Variants in GMPR observed in about 807,000 individuals in gnomAD.
GMPR encodes the protein GMP reductase 1.
Under a neutral mutation model 38.4 loss-of-function variants are expected in GMPR, and 31 were observed. That is an observed-to-expected ratio of 0.81 (90% CI 0.61 to 1.09). The LOEUF (loss-of-function observed/expected upper bound fraction) is 1.09. Among genes scored for constraint, GMPR ranks in the 50% least tolerant of loss-of-function variants. The pLI, the probability that GMPR is intolerant of heterozygous loss-of-function variation, is 0.00. For synonymous variants in GMPR, 162 were observed against 173.3 expected, an observed-to-expected ratio of 0.93 and a Z score of 0.51; for missense variants, 468 against 453.7, an observed-to-expected ratio of 1.03 and a Z score of -0.29.
In GMPR at chr6:16,246,855, G is replaced by C; in HGVS notation, c.101G>C (p.Arg34Pro). Residue 34 changes from arginine (R) to proline (P), a missense_variant, in exon 2 of 9, where the codon CGC (arginine) becomes CCC (proline). Transcript: ENST00000259727. Reference sequence around the variant, plus strand: ...TTTGGCCAACAGGTGGATCTTGAACGCACCTTCACGTTTCGAAATTCAAAG... The same window carrying C: ...TTTGGCCAACAGGTGGATCTTGAACCCACCTTCACGTTTCGAAATTCAAAG... ...LKSRAEVDLE[R>P]TFTFRNSKQT... 1 of 1,612,206 alleles carries C rather than the reference G, an allele frequency of 6.2e-7. No individual in the cohort carries two copies. The highest frequency in any genetic ancestry group is 1.1e-5 in the South Asian group (1 of 90,878).
intron 7 of GMPR, chr6:16,289,691 C>G (rs553621300): frequency 7.2e-5 from 11 of 152,078 alleles, no homozygotes; most frequent in Non-Finnish European, 1.3e-4. Context: ...AGTGTAGGAG[C>G]TTCAGTCTGT....
At chr6:16,289,656 G>T (rs145062393) in intron 7 of GMPR, 1 of 132,762 alleles carries the variant, frequency 7.5e-6, no homozygotes, top group Non-Finnish European at 1.5e-5. Context: ...CCATAACACG[G>T]GGACTTCTTT....
rs976967401 is a variant in GMPR at position 16,266,228 on chromosome 6, C to T, written c.466-8187C>T. ...ACTCGCTGCGAAGAATGAAGAACGC[C>T]GCGCGCACCACCTTTAAGAGCTGTA... On this transcript the variant is annotated intron_variant, in intron 4 of 8. Coordinates refer to ENST00000259727, the MANE Select transcript of GMPR (RefSeq NM_006877.4). Among the ~76,000 whole-genome samples, 28 of 151,062 alleles carry T rather than the reference C, an allele frequency of 1.9e-4. 2 individuals are homozygous for T. Among genetic ancestry groups the T allele is most frequent in the Admixed American group, 4.0e-4 (6 of 15,178 alleles).
chr6:16,249,978 G>A (rs1758835403), intron 2 of GMPR, among the ~76,000 whole-genome samples: 1 of 152,200 alleles, frequency 6.6e-6, no homozygotes, highest in Non-Finnish European at 1.5e-5. Context: ...AGGTGTGGGT[G>A]GGAGCCTGGG....
chr6:16,266,160 ATCTTTAAGAGCTGTAACACTTGCC>A (rs2113685393), intron 4 of GMPR, among the ~76,000 whole-genome samples: 1 of 44,670 alleles, frequency 2.2e-5, no homozygotes, highest in South Asian at 1.1e-3. Flanking sequence ...AACACTTGCC[ATCTTTAAGAGCTGTAACACTTGCC>A]ATCTTTAAGA....
intron 3 of GMPR, among the ~76,000 whole-genome samples, chr6:16,251,376 A>C (rs781342541): frequency 1.4e-4 from 21 of 152,156 alleles, no homozygotes; most frequent in Admixed American, 1.2e-3. Context: ...TTCGAGTCCA[A>C]CCTGCCCAAC....
intron 4 of GMPR, among the ~76,000 whole-genome samples, chr6:16,265,975 A>C (rs1759199044): frequency 6.6e-6 from 1 of 152,072 alleles, no homozygotes. Flanking sequence ...ACAATTGTGG[A>C]TGTGCAACCT....
intron 1 of GMPR, among the ~76,000 whole-genome samples, chr6:16,245,506 A>C (rs1758734696): frequency 6.6e-6 from 1 of 152,238 alleles, no homozygotes; most frequent in Admixed American, 6.5e-5. Context: ...TCATGAAGCC[A>C]GGGTTAATGT....
At chr6:16,265,955 G>C (rs75764890) in intron 4 of GMPR, among the ~76,000 whole-genome samples, 20,955 of 152,150 alleles carry the variant, frequency 0.14, 1,507 homozygotes, top group South Asian at 0.17. Context: ...CCACCCGCCG[G>C]GAGAAAGGAA....
chr6:16,285,488 C>T (rs1469544377), intron 6 of GMPR, among the ~76,000 whole-genome samples: 1 of 152,238 alleles, frequency 6.6e-6, no homozygotes, highest in African/African-American at 2.4e-5. Context: ...CTGCCGCTCA[C>T]AGCCCCTGCT....
intron 2 of GMPR, among the ~76,000 whole-genome samples, chr6:16,249,702 G>T (rs926045448): frequency 1.3e-5 from 2 of 152,216 alleles, no homozygotes; most frequent in African/African-American, 4.8e-5. Context: ...TAAATGAAAC[G>T]ACTGACACAA....
At chr6:16,285,017 C>CAAAAAAAAAAAAAAAAAAAA (rs1230598044) in intron 6 of GMPR, among the ~76,000 whole-genome samples, 2 of 35,098 alleles carry the variant, frequency 5.7e-5, no homozygotes, top group African/African-American at 1.1e-4. Flanking sequence ...GAGACTGTCT[C>CAAAAAAAAAAAAAAAAAAAA]AAAAAAAAAA....
At chr6:16,243,738 C>CT (rs1758702511) in intron 1 of GMPR, among the ~76,000 whole-genome samples, 1 of 152,174 alleles carries the variant, frequency 6.6e-6, no homozygotes, top group South Asian at 2.1e-4. Context: ...CCTCACTGGG[C>CT]AGGGCCTGTG....
At chr6:16,251,430 C>T (rs1421848258) in intron 3 of GMPR, among the ~76,000 whole-genome samples, 3 of 152,252 alleles carry the variant, frequency 2.0e-5, no homozygotes, top group African/African-American at 4.8e-5. Flanking sequence ...ATTAGCCGGG[C>T]GTGGTGGCGC....
intron 8 of GMPR, among the ~76,000 whole-genome samples, chr6:16,292,344 G>A (rs1443229617): frequency 3.9e-5 from 6 of 151,988 alleles, no homozygotes; most frequent in South Asian, 4.2e-4. Context: ...CTATTCATCC[G>A]TGGGGTTCTA....
At chr6:16,290,728 G>T in intron 8 of GMPR, 107 bp downstream of exon 8, 1 of 902,862 alleles carries the variant, frequency 1.1e-6, no homozygotes, top group Non-Finnish European at 1.7e-6. Context: ...TTAAAGTACC[G>T]TGGGAAGGGG....
At chr6:16,279,749 A>G (rs1027365858) in intron 6 of GMPR, among the ~76,000 whole-genome samples, 2 of 152,206 alleles carry the variant, frequency 1.3e-5, no homozygotes, top group Non-Finnish European at 2.9e-5. Flanking sequence ...AGCAGGAGAT[A>G]AGCTTGAGGG....
chr6:16,242,412 T>A (rs1758668467), intron 1 of GMPR, among the ~76,000 whole-genome samples: 1 of 152,056 alleles, frequency 6.6e-6, no homozygotes, highest in African/African-American at 2.4e-5. Flanking sequence ...ACTTGGTGGC[T>A]TAAGTAACAA....
intron 3 of GMPR, among the ~76,000 whole-genome samples, chr6:16,251,715 T>C (rs1758879496): frequency 6.6e-6 from 1 of 152,224 alleles, no homozygotes; most frequent in Admixed American, 6.5e-5. Context: ...TTAAGGGGTA[T>C]GAGACTTTCT....
Sources: gnomAD v4.1 joint callset for allele counts (sites outside exome capture counted in the v4.1 genomes callset) on GRCh38, gnomAD v4.1.1 for gene constraint, MANE v1.5 for transcripts, NCBI Gene and HGNC (gene_info 2026-07-23, HGNC 2026-07-21) for gene names.